Variants in PLS1 observed in about 807,000 individuals in gnomAD.
PLS1 encodes the protein plastin-1.
In PLS1, 32 loss-of-function variants were observed where a neutral mutation model predicts 73.7. That is an observed-to-expected ratio of 0.43 (90% CI 0.33 to 0.58). PLS1 has a LOEUF of 0.58. PLS1 is among the 20% of genes least tolerant of loss of function. The pLI, the probability that PLS1 is intolerant of heterozygous loss-of-function variation, is 0.04. For synonymous variants in PLS1, 217 were observed against 261.3 expected, an observed-to-expected ratio of 0.83 and a Z score of 1.63; for missense variants, 633 against 740.5, an observed-to-expected ratio of 0.85 and a Z score of 1.68.
chr3:142,704,769 C>T lies in PLS1; in HGVS notation c.1629+183C>T, dbSNP rs765431769. ...GTTCACACCATTCTCCTGCCTCAGC[C>T]TCCTGAGTAGCTGGGACTACAGGTG... is the stretch of plus-strand genomic sequence containing the variant. On this transcript the variant is annotated intron_variant, in intron 14 of 15. Coordinates refer to ENST00000457734, the MANE Select transcript of PLS1 (RefSeq NM_001145319.2). 5.5e-4 allele frequency among the ~76,000 whole-genome samples: 82 copies of T among 149,760 alleles called. 3 individuals are homozygous for T. Among genetic ancestry groups the T allele is most frequent in the Middle Eastern group, 3.4e-3 (1 of 290 alleles).
At chr3:142,671,625 G>A (rs1295743399) in intron 4 of PLS1, among the ~76,000 whole-genome samples, 1 of 152,126 alleles carries the variant, frequency 6.6e-6, no homozygotes, top group Admixed American at 6.5e-5. Flanking sequence ...TGATTTGCTT[G>A]ATCTGATTAA....
intron 12 of PLS1, among the ~76,000 whole-genome samples, chr3:142,700,687 G>T (rs748368401): frequency 1.3e-5 from 2 of 152,124 alleles, no homozygotes; most frequent in Admixed American, 6.5e-5. Flanking sequence ...TCTTCTCATT[G>T]TCTAAATGAT....
chr3:142,682,531 T>C (rs1313495213), intron 6 of PLS1, among the ~76,000 whole-genome samples: 2 of 152,200 alleles, frequency 1.3e-5, no homozygotes. Flanking sequence ...ACACACTTCT[T>C]TTGGCCCACA....
intron 1 of PLS1, among the ~76,000 whole-genome samples, chr3:142,623,967 T>G (rs1038198643): frequency 2.6e-5 from 4 of 152,118 alleles, no homozygotes; most frequent in Admixed American, 2.6e-4. Context: ...ATCTAGAATG[T>G]GTGTGTATTA....
chr3:142,679,272 GT>G (rs1214995749), intron 6 of PLS1, among the ~76,000 whole-genome samples: 1 of 151,106 alleles, frequency 6.6e-6, no homozygotes, highest in Non-Finnish European at 1.5e-5. Flanking sequence ...AAGCTCTTTA[GT>G]TTAATTAGAT....
intron 1 of PLS1, among the ~76,000 whole-genome samples, chr3:142,599,392 C>G (rs1199208306): frequency 5.4e-4 from 77 of 142,264 alleles, no homozygotes; most frequent in Admixed American, 4.9e-4. Flanking sequence ...TGCAGTGGCG[C>G]AATCTCGGCT....
chr3:142,607,682 TG>T (rs1283217846), intron 1 of PLS1, among the ~76,000 whole-genome samples: 4 of 152,248 alleles, frequency 2.6e-5, no homozygotes, highest in Non-Finnish European at 5.9e-5. Flanking sequence ...ATATTTCCTT[TG>T]TTTTTAGCCA....
At chr3:142,617,785 C>T (rs1427307997) in intron 1 of PLS1, among the ~76,000 whole-genome samples, 1 of 152,022 alleles carries the variant, frequency 6.6e-6, no homozygotes. Context: ...TAAGACAAGC[C>T]GATTCAATAT....
chr3:142,637,861 C>CCT (rs200550987), intron 1 of PLS1, among the ~76,000 whole-genome samples: 2 of 151,836 alleles, frequency 1.3e-5, no homozygotes, highest in Admixed American at 6.6e-5. Context: ...CCCCCCGCCC[C>CCT]CTCTCTCTCT....
chr3:142,629,650 G>C (rs2036510735), intron 1 of PLS1, among the ~76,000 whole-genome samples: 1 of 152,172 alleles, frequency 6.6e-6, no homozygotes, highest in African/African-American at 2.4e-5. Flanking sequence ...CACAGACCAG[G>C]AACAGTGCCA....
At chr3:142,653,231 T>C (rs1481095943) in intron 1 of PLS1, among the ~76,000 whole-genome samples, 3 of 152,242 alleles carry the variant, frequency 2.0e-5, no homozygotes. Flanking sequence ...TGTCTTTCTC[T>C]TATTCTTGTT....
At chr3:142,706,879 A>C (rs2038472928) in intron 14 of PLS1, among the ~76,000 whole-genome samples, 1 of 152,188 alleles carries the variant, frequency 6.6e-6, no homozygotes. Flanking sequence ...GGATGTCATG[A>C]GGTACAGCTA....
intron 11 of PLS1, among the ~76,000 whole-genome samples, chr3:142,696,975 T>C (rs2038224189): frequency 6.6e-6 from 1 of 152,036 alleles, no homozygotes; most frequent in African/African-American, 2.4e-5. Context: ...TTCACTGCCA[T>C]ATGGTTTGTG....
rs1393451399 is a variant in PLS1 at position 142,713,414 on chromosome 3, A to G, written c.*1407A>G. On this transcript the variant is annotated 3_prime_UTR_variant, in exon 16 of 16. Transcript: ENST00000457734. ...TTTAGAATAGAATTTTTTAAATGAAATGATCAACAGGTGGAATTTGAAATA... is the reference window on the plus strand; with the variant it reads ...TTTAGAATAGAATTTTTTAAATGAAGTGATCAACAGGTGGAATTTGAAATA... The G allele has an allele frequency of 6.6e-6, 1 of 152,612 alleles. No homozygotes were observed. The highest frequency in any genetic ancestry group is 1.5e-5 in the Non-Finnish European group (1 of 68,018). The allele number at this position is 152,612 out of a possible 1,614,324, so 9.5% of individuals were successfully genotyped here.
In PLS1 at chr3:142,698,084, C is replaced by T. The variant is rs777094279; in HGVS notation, c.1371+17C>T. Reference sequence around the variant, plus strand: ...ATGAAGAAGGTGAATGAAATAATGGCCATGGATATATTGTTATTGTTCTGA... The same window carrying T: ...ATGAAGAAGGTGAATGAAATAATGGTCATGGATATATTGTTATTGTTCTGA... On this transcript the variant is annotated intron_variant, in intron 12 of 15. Transcript: ENST00000457734. The T allele has an allele frequency of 7.8e-7, 1 of 1,279,568 alleles. No homozygotes were observed. The highest frequency in any genetic ancestry group is 1.1e-6 in the Non-Finnish European group (1 of 875,074). 79.3% of individuals were successfully genotyped at this position (1,279,568 alleles called of 1,614,324 possible). A position where few individuals can be genotyped will look rare whatever the true frequency, so the allele number is the denominator to read the frequency against.
chr3:142,690,223 G>A (rs1047086634), intron 10 of PLS1, among the ~76,000 whole-genome samples: 25 of 151,980 alleles, frequency 1.6e-4, no homozygotes, highest in African/African-American at 5.6e-4. Flanking sequence ...TACAGTGTTC[G>A]TTATTTGTCT....
At chr3:142,636,386 C>G (rs1195820044) in intron 1 of PLS1, among the ~76,000 whole-genome samples, 5 of 151,892 alleles carry the variant, frequency 3.3e-5, no homozygotes, top group Non-Finnish European at 5.9e-5. Context: ...ATTGGATACC[C>G]AGATGCAAAA....
At chr3:142,599,213 T>TAAAA (rs2035868415) in intron 1 of PLS1, among the ~76,000 whole-genome samples, 5 of 147,062 alleles carry the variant, frequency 3.4e-5, no homozygotes, top group Admixed American at 2.7e-4. Context: ...AATAAATAAA[T>TAAAA]AAAAAGTGCA....
At chr3:142,659,115 C>G (rs1041072781) in intron 1 of PLS1, among the ~76,000 whole-genome samples, 1 of 152,120 alleles carries the variant, frequency 6.6e-6, no homozygotes, top group African/African-American at 2.4e-5. Context: ...CAGTTCCAGA[C>G]CCATTGAAAG....
Sources: allele counts gnomAD v4.1 joint callset (sites outside exome capture counted in the v4.1 genomes callset), GRCh38; gene constraint gnomAD v4.1.1; transcripts MANE v1.5; gene names NCBI Gene and HGNC (gene_info 2026-07-23, HGNC 2026-07-21).